The following MON2 variants were observed in gnomAD, a reference collection of about 807,000 sequenced individuals.
The protein encoded by MON2 is MON2 regulator of endosome-to-Golgi trafficking.
Under a neutral mutation model 208.6 loss-of-function variants are expected in MON2, and 84 were observed. The observed-to-expected ratio is 0.40, with a 90% CI of 0.34 to 0.48. MON2 has a LOEUF of 0.48. MON2 is among the 20% of genes least tolerant of loss of function. The pLI is 0.59. For missense variants in MON2, 1,611 were observed against 2,015.4 expected, an observed-to-expected ratio of 0.80 and a Z score of 3.84; for synonymous variants, 660 against 694.0, an observed-to-expected ratio of 0.95 and a Z score of 0.77.
At chr12:62,494,352 C>T (rs2070350959) in intron 3 of MON2, among the ~76,000 whole-genome samples, 1 of 152,108 alleles carries the variant, frequency 6.6e-6, no homozygotes, top group Non-Finnish European at 1.5e-5. Context: ...GAGGGAAGAG[C>T]GTGACTCTCT....
At position 62,467,079 on chromosome 12, in the gene MON2, C is replaced by G. The variant is rs534460733; in HGVS notation, c.-129C>G. The stretch of plus-strand genomic sequence containing the variant: ...GCTCGAGCAGGCTCCGGGTTCGCAG[C>G]CCAGGGCCCAAGAAGCGGGCTGCTG... On this transcript the variant is annotated 5_prime_UTR_variant, in exon 1 of 35. Transcript: ENST00000393630. 2.1e-5 allele frequency: 15 copies of G among 726,732 alleles called. No homozygotes were observed. The South Asian group carries it at 2.5e-4, about 12-fold the overall frequency. The allele number at this position is 726,732 out of a possible 1,614,324, so 45.0% of individuals were successfully genotyped here. A position where few individuals can be genotyped will look rare whatever the true frequency, so the allele number is the denominator to read the frequency against.
At chr12:62,531,943 A>G (rs1263708691) in intron 11 of MON2, among the ~76,000 whole-genome samples, 1 of 151,344 alleles carries the variant, frequency 6.6e-6, no homozygotes, top group Non-Finnish European at 1.5e-5. Context: ...CTAATTTTTT[A>G]TATTTTTAGT....
Position 62,508,428 on chromosome 12 carries a change from T to C in MON2, c.932T>C (p.Met311Thr). Residue 311 changes from methionine to threonine, a missense_variant, in exon 8 of 35, where the codon ATG (methionine) becomes ACG (threonine). Coordinates refer to ENST00000393630, the MANE Select transcript of MON2 (RefSeq NM_015026.3). Reference protein sequence around the residue: ...PVEKPYFPICMRLLRVVSVLI... With the variant: ...PVEKPYFPICTRLLRVVSVLI... ...GAAAAACCATATTTTCCTATCTGCATGCGTTTGCTGAGAGTAGTATCTGTT... is the reference window on the plus strand; with the variant it reads ...GAAAAACCATATTTTCCTATCTGCACGCGTTTGCTGAGAGTAGTATCTGTT... 6.2e-7 allele frequency: 1 copy of C among 1,614,140 alleles called. No individual in the cohort carries two copies. The highest frequency in any genetic ancestry group is 1.3e-5 in the African/African-American group (1 of 75,064).
At chr12:62,484,915 C>CTTTTTTTTTTTTTT (rs71084000) in intron 2 of MON2, 6 of 132,550 alleles carry the variant, frequency 4.5e-5, no homozygotes, top group Non-Finnish European at 4.8e-5. Context: ...GGTAAACTGG[C>CTTTTTTTTTTTTTT]TTTTTTTTTT....
At chr12:62,557,688 G>A (rs1405392681) in intron 25 of MON2, among the ~76,000 whole-genome samples, 1 of 151,666 alleles carries the variant, frequency 6.6e-6, no homozygotes, top group Non-Finnish European at 1.5e-5. Context: ...AAGCATTTTT[G>A]TATATTGTTC....
chr12:62,491,384 T>C (rs2070129634), intron 2 of MON2, among the ~76,000 whole-genome samples: 1 of 152,322 alleles, frequency 6.6e-6, no homozygotes, highest in Middle Eastern at 3.4e-3. Context: ...CGTAGTTTAA[T>C]TGTCACTGAC....
rs201859801 is a variant in MON2, at chr12:62,537,714, A to G, written c.2118+8A>G. On this transcript the variant is annotated splice_region_variant and intron_variant, in intron 16 of 34. Transcript: ENST00000393630. ...GTCTTGGCAACTCTTCAGGTATGTA[A>G]AAGTGTCTAGGTCAGAGATTAGTGT... The G allele has an allele frequency of 1.3e-6, 2 of 1,593,746 alleles. No individual in the cohort carries two copies. The highest frequency in any genetic ancestry group is 2.7e-5 in the African/African-American group (2 of 74,464).
chr12:62,508,277 TGCAAATAG>T lies in MON2; in HGVS notation c.790-8_790-1del. On this transcript the variant is annotated splice_acceptor_variant and splice_polypyrimidine_tract_variant and intron_variant, in intron 7 of 34. Coordinates refer to ENST00000393630, the MANE Select transcript of MON2 (RefSeq NM_015026.3). LOFTEE classifies it high-confidence loss of function. ...ATTATTTTTTTCTTTCTTTTTTCCT[TGCAAATAG>T]CACCAAGAATTTAGTTTCCTCCTCA... The T allele has an allele frequency of 6.2e-7, 1 of 1,600,712 alleles. No individual in the cohort carries two copies. Among genetic ancestry groups the T allele is most frequent in the Admixed American group, 1.7e-5 (1 of 57,996 alleles).
rs1204562299 is a variant in MON2 at position 62,490,029 on chromosome 12, T to C, written c.176-3886T>C. On this transcript the variant is annotated intron_variant, in intron 2 of 34. Coordinates refer to ENST00000393630, the MANE Select transcript of MON2 (RefSeq NM_015026.3). Reference sequence around the variant, plus strand: ...TGGGGTATCCTAGTTTAATTCTTTTTTTCCAGGATAAAAACTGCAATTATG... The same window carrying C: ...TGGGGTATCCTAGTTTAATTCTTTTCTTCCAGGATAAAAACTGCAATTATG... The C allele has an allele frequency of 3.3e-6, 4 of 1,209,910 alleles. No homozygotes were observed. In the African/African-American group the frequency reaches 4.7e-5, roughly 14 times the overall value. 74.9% of individuals were successfully genotyped at this position (1,209,910 alleles called of 1,614,324 possible). A position where few individuals can be genotyped will look rare whatever the true frequency, so the allele number is the denominator to read the frequency against.
At chr12:62,522,400 T>G (rs567668461) in intron 8 of MON2, among the ~76,000 whole-genome samples, 1 of 152,354 alleles carries the variant, frequency 6.6e-6, no homozygotes, top group African/African-American at 2.4e-5. Flanking sequence ...TACATGAATG[T>G]GCTACCAGAT....
At chr12:62,499,527 T>A (rs2070722145) in intron 5 of MON2, among the ~76,000 whole-genome samples, 1 of 152,220 alleles carries the variant, frequency 6.6e-6, no homozygotes, top group Non-Finnish European at 1.5e-5. Flanking sequence ...GCTTCCCTCG[T>A]AAATTTTTGT....
At position 62,475,883 on chromosome 12, in the gene MON2, C is replaced by T. The variant is rs192215998; in HGVS notation, c.112-8287C>T. Among the ~76,000 whole-genome samples, 112 of 151,698 alleles carry T rather than the reference C, an allele frequency of 7.4e-4. 1 individual carries two copies. The East Asian group carries it at 0.02, about 27-fold the overall frequency. ...AAAATTACCTGGGCATGGTGGCGGA[C>T]GCCTGTAATCCCAGCTACTCGGGAG... On this transcript the variant is annotated intron_variant, in intron 1 of 34. Transcript: ENST00000393630.
chr12:62,484,936 AAG>A (rs910526144), intron 2 of MON2: 15 of 133,498 alleles, frequency 1.1e-4, no homozygotes, highest in African/African-American at 4.3e-4. Flanking sequence ...TTTTTTTTTT[AAG>A]AATCTGTTAT....
At chr12:62,541,389 A>AAAGAT (rs911704657) in intron 19 of MON2, among the ~76,000 whole-genome samples, 1 of 152,030 alleles carries the variant, frequency 6.6e-6, no homozygotes, top group African/African-American at 2.4e-5. Context: ...AAAAAAAAAA[A>AAAGAT]AAAGATAAAG....
At chr12:62,551,088 T>C (rs904751836) in intron 23 of MON2, among the ~76,000 whole-genome samples, 2 of 152,006 alleles carry the variant, frequency 1.3e-5, no homozygotes, top group African/African-American at 2.4e-5. Context: ...TACTTTCTTA[T>C]AGTTTGTTTG....
chr12:62,475,871 C>T (rs2069047409), intron 1 of MON2, among the ~76,000 whole-genome samples: 1 of 151,736 alleles, frequency 6.6e-6, no homozygotes, highest in East Asian at 2.0e-4. Flanking sequence ...ATTACCTGGG[C>T]ATGGTGGCGG....
At chr12:62,473,373 C>T (rs2068892695) in intron 1 of MON2, among the ~76,000 whole-genome samples, 2 of 152,102 alleles carry the variant, frequency 1.3e-5, no homozygotes, top group African/African-American at 4.8e-5. Flanking sequence ...TCTCTAACTC[C>T]TCTCCCATTT....
intron 33 of MON2, among the ~76,000 whole-genome samples, chr12:62,586,103 A>G (rs2075212800): frequency 6.6e-6 from 1 of 152,248 alleles, no homozygotes; most frequent in East Asian, 1.9e-4. Context: ...AATTCAACAA[A>G]GGATACAGTC....
At chr12:62,521,971 T>A (rs188820595) in intron 8 of MON2, among the ~76,000 whole-genome samples, 151 of 152,246 alleles carry the variant, frequency 9.9e-4, no homozygotes, top group African/African-American at 3.6e-3. Context: ...GGCGGGTGGA[T>A]CACTTGAGGT....
Sources: allele counts gnomAD v4.1 joint callset (sites outside exome capture counted in the v4.1 genomes callset), GRCh38; gene constraint gnomAD v4.1.1; transcripts MANE v1.5; gene names NCBI Gene and HGNC (gene_info 2026-07-23, HGNC 2026-07-21).